The following ELAVL2 variants were observed in gnomAD, a reference collection of about 807,000 sequenced individuals.
ELAVL2 encodes ELAV-like protein 2.
A neutral mutation model predicts 34.6 loss-of-function variants in ELAVL2; 4 were observed. That is an observed-to-expected ratio of 0.12 (90% confidence interval 0.06 to 0.26). The LOEUF (loss-of-function observed/expected upper bound fraction) is 0.26. Among genes scored for constraint, ELAVL2 ranks in the 10% least tolerant of loss-of-function variants. The pLI is 1.00. For synonymous variants in ELAVL2, 193 were observed against 154.8 expected (o/e 1.25, Z -1.83); for missense variants, 432 against 442.8 (o/e 0.98, Z 0.22).
intron 1 of ELAVL2, among the ~76,000 whole-genome samples, chr9:23,804,177 A>ATT (rs143957071): frequency 1.7e-4 from 25 of 148,444 alleles, no homozygotes; most frequent in South Asian, 4.3e-4. Flanking sequence ...TTATTTATTT[A>ATT]TTTATTTTTT....
At chr9:23,774,517 T>C (rs886997953) in intron 1 of ELAVL2, among the ~76,000 whole-genome samples, 2 of 152,212 alleles carry the variant, frequency 1.3e-5, no homozygotes, top group Admixed American at 6.5e-5. Context: ...TTACTTGCAA[T>C]GCTGCAATTT....
chr9:23,779,315 A>T (rs931949848), intron 1 of ELAVL2: 4 of 985,320 alleles, frequency 4.1e-6, no homozygotes, highest in South Asian at 4.7e-5. Flanking sequence ...AAGTGGGCAG[A>T]CAGAGGAACA....
intron 1 of ELAVL2, among the ~76,000 whole-genome samples, chr9:23,781,675 C>A (rs918051035): frequency 2.6e-5 from 4 of 151,808 alleles, no homozygotes; most frequent in African/African-American, 9.7e-5. Context: ...CCACCACACC[C>A]CGCTAATTTT....
chr9:23,829,046 A>C (rs2065418322), upstream of ELAVL2, among the ~76,000 whole-genome samples: 1 of 152,216 alleles, frequency 6.6e-6, no homozygotes, highest in Admixed American at 6.5e-5. Flanking sequence ...TGGTAAAAGA[A>C]TTATCCACAA....
chr9:23,770,595 G>C (rs1042107656), intron 1 of ELAVL2, among the ~76,000 whole-genome samples: 1 of 152,090 alleles, frequency 6.6e-6, no homozygotes, highest in African/African-American at 2.4e-5. Context: ...AAATCGAAAG[G>C]ACATTGCTGG....
chr9:23,796,043 C>T (rs538675206), intron 1 of ELAVL2, among the ~76,000 whole-genome samples: 2 of 152,206 alleles, frequency 1.3e-5, no homozygotes, highest in African/African-American at 4.8e-5. Flanking sequence ...GGTCCTTGGA[C>T]CTTCAATTGT....
chr9:23,750,848 C>A (rs1318661492), intron 2 of ELAVL2, among the ~76,000 whole-genome samples: 1 of 152,162 alleles, frequency 6.6e-6, no homozygotes, highest in Non-Finnish European at 1.5e-5. Context: ...TTGGAGGCAA[C>A]TCCTTAAGAC....
the ELAVL2 span, among the ~76,000 whole-genome samples, chr9:23,832,715 A>G: frequency 6.6e-6 from 1 of 152,200 alleles, no homozygotes; most frequent in Non-Finnish European, 1.5e-5. Context: ...ACACATAGTT[A>G]ATACAGCTTT....
At chr9:23,780,243 A>G (rs2058876043) in intron 1 of ELAVL2, among the ~76,000 whole-genome samples, 1 of 152,050 alleles carries the variant, frequency 6.6e-6, no homozygotes, top group Non-Finnish European at 1.5e-5. Flanking sequence ...CTTGTTTCCT[A>G]ATCTCATGCA....
intron 2 of ELAVL2, among the ~76,000 whole-genome samples, chr9:23,748,260 A>G (rs2050999736): frequency 1.3e-5 from 2 of 151,924 alleles, no homozygotes; most frequent in South Asian, 4.1e-4. Flanking sequence ...TCGCTCTTTG[A>G]CTCTGATTGA....
chr9:23,762,146 T>C lies in ELAVL2; in HGVS notation c.89A>G (p.Asp30Gly), dbSNP rs1232519231. ...TINNNCSSPVDSGNTEDSKTN... is the reference protein window; with the variant it reads ...TINNNCSSPVGSGNTEDSKTN... Reference sequence around the variant, plus strand: ...CTTGCTGTCTTCTGTGTTCCCAGAGTCAACTGGTGACGAACAGTTGTTGTT... The same window carrying C: ...CTTGCTGTCTTCTGTGTTCCCAGAGCCAACTGGTGACGAACAGTTGTTGTT... The change falls in exon 2 of 7, where the codon GAC (aspartate) becomes GGC (glycine). Residue 30 changes from aspartate (D) to glycine (G), a missense_variant. By Grantham distance (94) the Asp-to-Gly change is moderately conservative. Coordinates refer to ENST00000397312, the MANE Select transcript of ELAVL2 (RefSeq NM_004432.5). The C allele has an allele frequency of 6.2e-7, 1 of 1,613,616 alleles. No homozygotes were observed. Among genetic ancestry groups the C allele is most frequent in the East Asian group, 2.2e-5 (1 of 44,870 alleles).
chr9:23,757,647 G>T (rs1168021373), intron 2 of ELAVL2, among the ~76,000 whole-genome samples: 1 of 151,942 alleles, frequency 6.6e-6, no homozygotes, highest in Non-Finnish European at 1.5e-5. Context: ...ACTAAAGTCA[G>T]CTAAGCTGTA....
intron 2 of ELAVL2, among the ~76,000 whole-genome samples, chr9:23,743,112 T>A (rs974246883): frequency 6.6e-6 from 1 of 152,172 alleles, no homozygotes; most frequent in Admixed American, 6.5e-5. Context: ...TTGTAAAGGC[T>A]ATGGGTCAGA....
chr9:23,811,172 A>G (rs910380675), intron 1 of ELAVL2, among the ~76,000 whole-genome samples: 3 of 152,184 alleles, frequency 2.0e-5, no homozygotes, highest in Admixed American at 6.5e-5. Flanking sequence ...AACAATGTTT[A>G]TAAGTCAGCC....
At chr9:23,817,021 C>CTAAA (rs1247918634) in intron 1 of ELAVL2, among the ~76,000 whole-genome samples, 1 of 151,838 alleles carries the variant, frequency 6.6e-6, no homozygotes, top group Non-Finnish European at 1.5e-5. Flanking sequence ...TATACCAGTG[C>CTAAA]TAAAGCAAAA....
At chr9:23,840,552 A>C in the ELAVL2 span, among the ~76,000 whole-genome samples, 1 of 152,148 alleles carries the variant, frequency 6.6e-6, no homozygotes, top group Non-Finnish European at 1.5e-5. Flanking sequence ...AATTGGACTA[A>C]TTGCCAATTT....
At chr9:23,824,199 T>C (rs2138667359) in intron 1 of ELAVL2, among the ~76,000 whole-genome samples, 1 of 152,320 alleles carries the variant, frequency 6.6e-6, no homozygotes, top group Admixed American at 6.5e-5. Flanking sequence ...TAACCGGTAC[T>C]TGAAAATGGG....
Position 23,705,963 on chromosome 9 carries a change from C to T in ELAVL2, c.334-892G>A, listed in dbSNP as rs117522269. Reference sequence around the variant, plus strand: ...TCTCACATCTGTGTGGGTGGTAGTGCTACATTTCTAAAAAAAAATTCACCC... The same window carrying T: ...TCTCACATCTGTGTGGGTGGTAGTGTTACATTTCTAAAAAAAAATTCACCC... On this transcript the variant is annotated intron_variant, in intron 3 of 6. Coordinates refer to ENST00000397312, the MANE Select transcript of ELAVL2 (RefSeq NM_004432.5). Among the ~76,000 whole-genome samples, 182 of 151,982 alleles carry T rather than the reference C, an allele frequency of 1.2e-3. 1 individual carries two copies. In the East Asian group the frequency reaches 0.024, roughly 20 times the overall value.
intron 6 of ELAVL2, among the ~76,000 whole-genome samples, chr9:23,693,117 A>T (rs61406658): frequency 0.067 from 10,227 of 152,282 alleles, 392 homozygotes; most frequent in Middle Eastern, 0.092. Flanking sequence ...ACTGTACTGA[A>T]TATCATCCAC....
Sources: allele counts gnomAD v4.1 joint callset (sites outside exome capture counted in the v4.1 genomes callset), GRCh38; gene constraint gnomAD v4.1.1; transcripts MANE v1.5; gene names NCBI Gene and HGNC (gene_info 2026-07-23, HGNC 2026-07-21).